Variants in POLN observed in about 807,000 individuals in gnomAD.
POLN encodes the protein DNA polymerase N.
In POLN, 108 loss-of-function variants were observed where a neutral mutation model predicts 113.5. The observed-to-expected ratio is 0.95, with a 90% CI of 0.81 to 1.12. The LOEUF is 1.12. Among genes scored for constraint, POLN ranks in the 50% most tolerant of loss-of-function variants. The pLI is 0.00. For missense variants in POLN, 1,097 were observed against 1,077.1 expected (o/e 1.02, Z -0.26); for synonymous variants, 386 against 391.5 (o/e 0.99, Z 0.17).
intron 13 of POLN, among the ~76,000 whole-genome samples, chr4:2,159,520 C>T (rs1255370176): frequency 2.0e-5 from 3 of 152,138 alleles, no homozygotes; most frequent in Non-Finnish European, 4.4e-5. Flanking sequence ...AAACGTATAG[C>T]TCGATAACTG....
At chr4:2,231,879 TAATA>T (rs1284361519) in intron 2 of POLN, 2 of 822,834 alleles carry the variant, frequency 2.4e-6, no homozygotes. Flanking sequence ...CACAGTCTTC[TAATA>T]AATAAAAGAG....
intron 16 of POLN, among the ~76,000 whole-genome samples, chr4:2,149,848 C>T (rs1469814004): frequency 6.6e-6 from 1 of 151,884 alleles, no homozygotes; most frequent in Non-Finnish European, 1.5e-5. Context: ...CTTTGGGAGG[C>T]CAAGGAGGGC....
intron 2 of POLN, among the ~76,000 whole-genome samples, chr4:2,239,431 A>G (rs1734891962): frequency 6.6e-6 from 1 of 152,236 alleles, no homozygotes; most frequent in Non-Finnish European, 1.5e-5. Context: ...CTACGTAATT[A>G]TTGGATTTCC....
chr4:2,081,696 G>A lies in POLN; in HGVS notation c.2245C>T (p.His749Tyr). ...GCCCGGAGTTGCTGGTCATGAGCGT[G>A]AATCCTTGGCAGGGGTCTCCTTCTG... ...MGRRRPLPRIHAHDQQLRAQA... is the reference protein window; with the variant it reads ...MGRRRPLPRIYAHDQQLRAQA... The change falls in exon 22 of 26, where the codon CAC (histidine) becomes TAC (tyrosine). Residue 749 changes from histidine to tyrosine, a missense_variant. By Grantham distance (83) the His-to-Tyr change is moderately conservative. Transcript: ENST00000511885. 6.2e-7 allele frequency: 1 copy of A among 1,614,136 alleles called. No homozygotes were observed. Among genetic ancestry groups the A allele is most frequent in the Non-Finnish European group, 8.5e-7 (1 of 1,180,020 alleles).
At chr4:2,149,961 T>C (rs745479136) in intron 16 of POLN, among the ~76,000 whole-genome samples, 3 of 151,960 alleles carry the variant, frequency 2.0e-5, no homozygotes, top group Non-Finnish European at 2.9e-5. Context: ...TGGGCTCCTG[T>C]AATCCCAGCT....
At chr4:2,074,066 C>T (rs1384718548) in intron 24 of POLN, among the ~76,000 whole-genome samples, 1 of 152,214 alleles carries the variant, frequency 6.6e-6, no homozygotes, top group Non-Finnish European at 1.5e-5. Context: ...CTCATGCTGG[C>T]TGGGGCTACC....
chr4:2,084,874 A>T (rs993925737), intron 21 of POLN, among the ~76,000 whole-genome samples: 1 of 152,154 alleles, frequency 6.6e-6, no homozygotes, highest in East Asian at 1.9e-4. Context: ...GATTTCATTA[A>T]TTTCTGCTCT....
At chr4:2,236,695 C>T (rs976425627) in intron 2 of POLN, among the ~76,000 whole-genome samples, 23 of 151,580 alleles carry the variant, frequency 1.5e-4, no homozygotes, top group African/African-American at 5.1e-4. Context: ...CCCATCTCCA[C>T]TAAAATACAA....
intron 3 of POLN, among the ~76,000 whole-genome samples, chr4:2,216,740 C>G (rs1734121697): frequency 6.6e-6 from 1 of 152,218 alleles, no homozygotes; most frequent in Non-Finnish European, 1.5e-5. Flanking sequence ...AATCACTGTA[C>G]CTTCTAGGGC....
intron 3 of POLN, among the ~76,000 whole-genome samples, chr4:2,218,277 CAAAAA>C (rs376746658): frequency 4.5e-5 from 4 of 89,802 alleles, no homozygotes; most frequent in Admixed American, 1.1e-4. Context: ...ACTAAAAATA[CAAAAA>C]AAAAAAAAAA....
chr4:2,087,908 C>T (rs1202923073), intron 20 of POLN, among the ~76,000 whole-genome samples: 6 of 152,086 alleles, frequency 3.9e-5, no homozygotes, highest in Non-Finnish European at 8.8e-5. Context: ...TCATAGCTCA[C>T]TGCAGCTTTC....
intron 19 of POLN, among the ~76,000 whole-genome samples, chr4:2,108,098 C>G (rs752203811): frequency 2.2e-4 from 34 of 152,336 alleles, no homozygotes; most frequent in Non-Finnish European, 4.3e-4. Context: ...TTCAAAGAAG[C>G]CTTCCTGACT....
chr4:2,147,643 C>CTTTTTTTTTTTTTTTTTTTTTTTTTT (rs747184067), intron 16 of POLN, among the ~76,000 whole-genome samples: 2 of 79,356 alleles, frequency 2.5e-5, no homozygotes, highest in South Asian at 4.6e-4. Flanking sequence ...TTTTTCTTTT[C>CTTTTTTTTTTTTTTTTTTTTTTTTTT]TTTTTTTTTT....
chr4:2,164,776 C>G (rs1237349274), intron 13 of POLN, among the ~76,000 whole-genome samples: 2 of 118,208 alleles, frequency 1.7e-5, no homozygotes, highest in Non-Finnish European at 3.3e-5. Flanking sequence ...GCACTCCAAC[C>G]TGGCCGATGG....
intron 7 of POLN, among the ~76,000 whole-genome samples, chr4:2,182,622 G>T (rs983127369): frequency 2.0e-5 from 3 of 151,978 alleles, no homozygotes; most frequent in Non-Finnish European, 4.4e-5. Context: ...GCAGACCTAG[G>T]AAACTAATAC....
intron 11 of POLN, among the ~76,000 whole-genome samples, chr4:2,173,207 C>CAAGGGGACA (rs1732908132): frequency 6.6e-6 from 1 of 152,148 alleles, no homozygotes; most frequent in Non-Finnish European, 1.5e-5. Context: ...TCTGGAAAGT[C>CAAGGGGACA]TGTGCTTTGA....
Position 2,208,047 on chromosome 4 carries a change from T to C in POLN, c.654A>G (p.Ala218=). The C allele has an allele frequency of 3.7e-6, 6 of 1,614,218 alleles. No individual in the cohort carries two copies. The highest frequency in any genetic ancestry group is 5.1e-6 in the Non-Finnish European group (6 of 1,180,026). ...KSQLIEMLKQ[A]AALVITVMYT... ...ACATCACAGTTATCACCAGGGCTGCTGCCTGTTTGAGCATTTCAATCAGCT... is the reference window on the plus strand; with the variant it reads ...ACATCACAGTTATCACCAGGGCTGCCGCCTGTTTGAGCATTTCAATCAGCT... The change falls in exon 5 of 26, where the codon GCA becomes GCG. Residue 218 remains alanine, a synonymous_variant. Coordinates refer to ENST00000511885, the MANE Select transcript of POLN (RefSeq NM_181808.4).
intron 20 of POLN, chr4:2,089,835 A>C: frequency 1.1e-6 from 1 of 870,480 alleles, no homozygotes; most frequent in Admixed American, 2.1e-5. Context: ...ACAAATCAGC[A>C]TCTAGGTTCT....
intron 4 of POLN, among the ~76,000 whole-genome samples, chr4:2,210,632 A>ATAAT (rs200675785): frequency 5.7e-4 from 48 of 84,110 alleles, no homozygotes; most frequent in African/African-American, 3.3e-3. Context: ...AATAATAATA[A>ATAAT]AAAAAAGAGG....
Sources: gnomAD v4.1 joint callset for allele counts (sites outside exome capture counted in the v4.1 genomes callset) on GRCh38, gnomAD v4.1.1 for gene constraint, MANE v1.5 for transcripts, NCBI Gene and HGNC (gene_info 2026-07-23, HGNC 2026-07-21) for gene names.